MAGED1: variants seen among roughly 807,000 people sequenced by gnomAD.
The protein encoded by MAGED1 is melanoma-associated antigen D1.
A neutral mutation model predicts 54.1 loss-of-function variants in MAGED1; 3 were observed. The observed-to-expected ratio is 0.06, with a 90% CI of 0.03 to 0.14. The LOEUF (loss-of-function observed/expected upper bound fraction) is 0.14, where lower values mean the gene tolerates loss of function less well. Ranked by LOEUF, MAGED1 falls within the 10% of genes least tolerant of loss-of-function variation. The pLI, the probability that MAGED1 is intolerant of heterozygous loss-of-function variation, is 1.00. For synonymous variants in MAGED1, 217 were observed against 227.3 expected, an observed-to-expected ratio of 0.95 and a Z score of 0.41; for missense variants, 485 against 623.4, an observed-to-expected ratio of 0.78 and a Z score of 2.36.
At chrX:51,865,242 G>A (rs1927420525) in intron 1 of MAGED1, among the ~76,000 whole-genome samples, 1 of 111,694 alleles carries the variant, frequency 9.0e-6, no homozygotes, top group South Asian at 3.8e-4. Context: ...TTTAATCAGG[G>A]TATCCTGAGT....
chrX:51,897,668 C>G (rs1180624581), intron 6 of MAGED1, 42 bp downstream of exon 6: 1 of 1,149,390 alleles, frequency 8.7e-7, no homozygotes, highest in South Asian at 1.8e-5. Context: ...TGGGGAAAGT[C>G]TTGATTTCAA....
chrX:51,826,870 G>A (rs1557357002), intron 1 of MAGED1, among the ~76,000 whole-genome samples: 1 of 112,195 alleles, frequency 8.9e-6, no homozygotes, highest in Non-Finnish European at 1.9e-5. Flanking sequence ...CAGCGATTGC[G>A]TTCCTTGATA....
intron 1 of MAGED1, among the ~76,000 whole-genome samples, chrX:51,805,059 C>T (rs782529648): frequency 1.8e-5 from 2 of 111,885 alleles, no homozygotes; most frequent in African/African-American, 6.5e-5. Flanking sequence ...TTCTTGCTAC[C>T]ATTTAGGCGA....
chrX:51,877,834 A>G (rs1167752206), intron 1 of MAGED1, among the ~76,000 whole-genome samples: 2 of 111,974 alleles, frequency 1.8e-5, no homozygotes, highest in African/African-American at 6.5e-5. Context: ...CATTTTCCCA[A>G]TGTTTTTCAG....
chrX:51,837,777 A>G (rs1292363690), intron 1 of MAGED1, among the ~76,000 whole-genome samples: 3 of 112,496 alleles, frequency 2.7e-5, no homozygotes, highest in Non-Finnish European at 5.6e-5. Flanking sequence ...GGTTGCACAT[A>G]ATAAATGGTG....
At chrX:51,822,304 A>T (rs1925665855) in intron 1 of MAGED1, among the ~76,000 whole-genome samples, 1 of 111,446 alleles carries the variant, frequency 9.0e-6, no homozygotes, top group African/African-American at 3.3e-5. Context: ...AGTTTGTTTT[A>T]TTTAAGTTAA....
At chrX:51,889,723 C>T (rs1278609321), upstream of MAGED1, among the ~76,000 whole-genome samples, 1 of 109,424 alleles carries the variant, frequency 9.1e-6, no homozygotes, top group Non-Finnish European at 1.9e-5. Context: ...GTTAGCCCTG[C>T]CACTAATGCT....
intron 10 of MAGED1, chrX:51,898,965 C>T (rs1928884534): frequency 5.3e-6 from 1 of 188,132 alleles, no homozygotes; most frequent in Non-Finnish European, 9.6e-6. Context: ...GTGATCATGC[C>T]ACTGCACTCC....
intron 1 of MAGED1, among the ~76,000 whole-genome samples, chrX:51,841,956 T>C (rs1406477899): frequency 8.9e-6 from 1 of 112,040 alleles, no homozygotes; most frequent in Non-Finnish European, 1.9e-5. Flanking sequence ...AAAGTAGTTT[T>C]TTCCAATTCT....
At chrX:51,858,585 G>C (rs782195946) in intron 1 of MAGED1, among the ~76,000 whole-genome samples, 1 of 111,871 alleles carries the variant, frequency 8.9e-6, no homozygotes, top group East Asian at 2.8e-4. Context: ...TGTAGACAAC[G>C]TGGAGTGGGA....
At chrX:51,806,763 T>A (rs1925049497) in intron 1 of MAGED1, among the ~76,000 whole-genome samples, 1 of 104,490 alleles carries the variant, frequency 9.6e-6, no homozygotes, top group African/African-American at 3.5e-5. Flanking sequence ...CTTTCCAAGG[T>A]GATTGTACGA....
chrX:51,866,967 T>A (rs1002754756), intron 1 of MAGED1, among the ~76,000 whole-genome samples: 1 of 112,064 alleles, frequency 8.9e-6, no homozygotes, highest in Non-Finnish European at 1.9e-5. Flanking sequence ...TGATCCATTG[T>A]GTGGAGCTGT....
At chrX:51,824,708 G>C (rs868954569) in intron 1 of MAGED1, among the ~76,000 whole-genome samples, 1 of 102,501 alleles carries the variant, frequency 9.8e-6, no homozygotes, top group African/African-American at 3.7e-5. Context: ...TTGTCTCTGT[G>C]TGTGTGTGTG....
chrX:51,855,134 TTC>T (rs1348768669), intron 1 of MAGED1, among the ~76,000 whole-genome samples: 1 of 112,224 alleles, frequency 8.9e-6, no homozygotes, highest in African/African-American at 3.2e-5. Context: ...TCTCAGCTGA[TTC>T]TCTGTCTTAT....
At chrX:51,840,540 C>T (rs1190036656) in intron 1 of MAGED1, among the ~76,000 whole-genome samples, 1 of 109,202 alleles carries the variant, frequency 9.2e-6, no homozygotes, top group Non-Finnish European at 1.9e-5. Flanking sequence ...CCCATTAACT[C>T]GTCATTTAGC....
At chrX:51,882,640 C>G (rs1179948427) in intron 1 of MAGED1, among the ~76,000 whole-genome samples, 1 of 108,143 alleles carries the variant, frequency 9.2e-6, no homozygotes, top group Non-Finnish European at 1.9e-5. Flanking sequence ...CAATGTAAAT[C>G]CACTCTTTCT....
chrX:51,809,964 T>C (rs1317242761), intron 1 of MAGED1, among the ~76,000 whole-genome samples: 1 of 112,200 alleles, frequency 8.9e-6, no homozygotes, highest in Non-Finnish European at 1.9e-5. Flanking sequence ...ATGCTGCCGC[T>C]GCTGCTTTTT....
intron 1 of MAGED1, among the ~76,000 whole-genome samples, chrX:51,885,748 C>T (rs1488523926): frequency 9.0e-6 from 1 of 110,691 alleles, no homozygotes; most frequent in African/African-American, 3.3e-5. Context: ...TTAACCCATT[C>T]TGACTTGATT....
chrX:51,842,263 G>A (rs782178680), intron 1 of MAGED1, among the ~76,000 whole-genome samples: 12 of 112,035 alleles, frequency 1.1e-4, no homozygotes, highest in Non-Finnish European at 2.1e-4. Flanking sequence ...CACATTAATA[G>A]AAGAGTTTCC....
Sources: gnomAD v4.1 joint callset for allele counts (sites outside exome capture counted in the v4.1 genomes callset) on GRCh38, gnomAD v4.1.1 for gene constraint, MANE v1.5 for transcripts, NCBI Gene and HGNC (gene_info 2026-07-23, HGNC 2026-07-21) for gene names.